CCSER1: variants seen among roughly 807,000 people sequenced by gnomAD.
The protein encoded by CCSER1 is coiled-coil serine rich protein 1, also known as serine-rich coiled-coil domain-containing protein 1.
CCSER1 carries 41 observed loss-of-function variants against 82.0 expected under a neutral mutation model. The observed-to-expected ratio is 0.50, with a 90% CI of 0.39 to 0.65. CCSER1 has a LOEUF of 0.65. Ranked by LOEUF, CCSER1 falls within the 30% of genes least tolerant of loss-of-function variation. CCSER1 has a pLI of 0.00. For missense variants in CCSER1, 1,119 were observed against 1,064.2 expected (o/e 1.05, Z -0.72); for synonymous variants, 414 against 383.9 (o/e 1.08, Z -0.92).
chr4:90,875,052 CA>C (rs1392300909), intron 8 of CCSER1, among the ~76,000 whole-genome samples: 1 of 151,666 alleles, frequency 6.6e-6, no homozygotes, highest in Non-Finnish European at 1.5e-5. Context: ...TCTCAAAAAA[CA>C]AAAACAACAA....
chr4:90,405,734 G>C (rs1485213022), intron 4 of CCSER1, among the ~76,000 whole-genome samples: 1 of 152,130 alleles, frequency 6.6e-6, no homozygotes, highest in Non-Finnish European at 1.5e-5. Context: ...ACAATTATCA[G>C]ACAAGAATTT....
intron 6 of CCSER1, among the ~76,000 whole-genome samples, chr4:90,673,275 A>G (rs1733152795): frequency 6.6e-6 from 1 of 151,976 alleles, no homozygotes; most frequent in African/African-American, 2.4e-5. Flanking sequence ...TATTAGTGCC[A>G]TTATTTATAT....
chr4:90,892,970 G>A (rs1580963043), intron 8 of CCSER1, among the ~76,000 whole-genome samples: 1 of 151,970 alleles, frequency 6.6e-6, no homozygotes, highest in African/African-American at 2.4e-5. Context: ...ATTACAGAGG[G>A]CATTTATTTT....
chr4:91,268,045 G>A (rs544740340), intron 10 of CCSER1, among the ~76,000 whole-genome samples: 2 of 152,102 alleles, frequency 1.3e-5, no homozygotes, highest in African/African-American at 4.8e-5. Context: ...GTAAAGCTAA[G>A]TCTATCTCAG....
chr4:91,482,119 C>T (rs1192810761), intron 10 of CCSER1, among the ~76,000 whole-genome samples: 4 of 151,984 alleles, frequency 2.6e-5, no homozygotes, highest in Non-Finnish European at 5.9e-5. Context: ...AGTCAGGAAA[C>T]GGGCCGGGCG....
Position 91,178,439 on chromosome 4 carries a change from G to C in CCSER1, c.2217+92445G>C, listed in dbSNP as rs186633106. On this transcript the variant is annotated intron_variant, in intron 10 of 10. Coordinates refer to ENST00000509176, the MANE Select transcript of CCSER1 (RefSeq NM_001145065.2). ...AGTCTCCCATTATTATTGTGTGAGA[G>C]TCTAAGTCTCTTTGTAGGTCACTAA... Among the ~76,000 whole-genome samples the C allele has an allele frequency of 1.2e-3, 183 of 152,216 alleles. 1 individual carries two copies. The highest frequency in any genetic ancestry group is 4.1e-3 in the African/African-American group (171 of 41,514).
In CCSER1 at chr4:91,601,705, G is replaced by A. The variant is rs917077769; in HGVS notation, c.*2648G>A. 2.2e-4 allele frequency: 34 copies of A among 152,016 alleles called. No individual in the cohort carries two copies. The highest frequency in any genetic ancestry group is 8.2e-4 in the African/African-American group (34 of 41,436). The allele number at this position is 152,016 out of a possible 1,614,324, so 9.4% of individuals were successfully genotyped here. ...GCTTGTTTTTCTGATGGAAGCAGTG[G>A]TCTTTTCTTTTCTTTCCTCTTTCTT... On this transcript the variant is annotated 3_prime_UTR_variant, in exon 11 of 11. Transcript: ENST00000509176.
chr4:90,377,173 G>T (rs909417803), intron 3 of CCSER1, among the ~76,000 whole-genome samples: 2 of 152,084 alleles, frequency 1.3e-5, no homozygotes, highest in Admixed American at 6.6e-5. Flanking sequence ...ACAAAATCAT[G>T]GTGGACTAAT....
rs182079572 is a variant in CCSER1 at position 91,234,447 on chromosome 4, G to A, written c.2217+148453G>A. ...CAATTAGAGGTTAACTAACAAAACC[G>A]AACAATTTTAACCCCAGAGGAAAGA... On this transcript the variant is annotated intron_variant, in intron 10 of 10. Transcript: ENST00000509176. Among the ~76,000 whole-genome samples, 114 of 152,082 alleles carry A rather than the reference G, an allele frequency of 7.5e-4. 4 individuals carry two copies. Among genetic ancestry groups the A allele is most frequent in the Non-Finnish European group, 3.4e-4 (23 of 67,872 alleles).
chr4:90,276,262 C>G (rs1311582640), intron 1 of CCSER1, among the ~76,000 whole-genome samples: 2 of 109,364 alleles, frequency 1.8e-5, no homozygotes, highest in Admixed American at 9.4e-5. Context: ...TTCCTTCCTT[C>G]CTTCCTTCCT....
At chr4:91,460,099 G>A (rs1756421158) in intron 10 of CCSER1, among the ~76,000 whole-genome samples, 1 of 152,176 alleles carries the variant, frequency 6.6e-6, no homozygotes, top group Non-Finnish European at 1.5e-5. Flanking sequence ...GCATTTGACT[G>A]AGTGGTAAAT....
At chr4:90,139,938 C>T (rs992715770) in intron 1 of CCSER1, among the ~76,000 whole-genome samples, 65 of 151,608 alleles carry the variant, frequency 4.3e-4, no homozygotes, top group Admixed American at 2.7e-3. Context: ...CCAACCTGGG[C>T]GACAGAGTGA....
chr4:91,159,128 C>A (rs1731116367), intron 10 of CCSER1, among the ~76,000 whole-genome samples: 2 of 151,812 alleles, frequency 1.3e-5, no homozygotes, highest in South Asian at 2.1e-4. Flanking sequence ...TACTAACATG[C>A]CCCTCACTAT....
intron 7 of CCSER1, among the ~76,000 whole-genome samples, chr4:90,741,556 A>T (rs1746557117): frequency 6.6e-6 from 1 of 152,244 alleles, no homozygotes; most frequent in African/African-American, 2.4e-5. Context: ...TATTTTTGAT[A>T]TAATATCATT....
chr4:91,142,911 G>C (rs906105889), intron 10 of CCSER1, among the ~76,000 whole-genome samples: 3 of 151,948 alleles, frequency 2.0e-5, no homozygotes, highest in Non-Finnish European at 2.9e-5. Flanking sequence ...TTTGGGTAAT[G>C]TAATCCCTCC....
chr4:90,159,937 T>C (rs888140208), intron 1 of CCSER1, among the ~76,000 whole-genome samples: 1 of 152,334 alleles, frequency 6.6e-6, no homozygotes, highest in African/African-American at 2.4e-5. Flanking sequence ...CCTAATGTTA[T>C]CAAATACTTA....
chr4:91,380,424 G>T (rs1398244175), intron 10 of CCSER1, among the ~76,000 whole-genome samples: 3 of 152,026 alleles, frequency 2.0e-5, no homozygotes, highest in African/African-American at 4.8e-5. Flanking sequence ...TATGAATATG[G>T]GTGCTCCTGT....
intron 1 of CCSER1, among the ~76,000 whole-genome samples, chr4:90,128,140 A>C (rs1258639745): frequency 6.6e-6 from 1 of 152,124 alleles, no homozygotes; most frequent in Non-Finnish European, 1.5e-5. Flanking sequence ...CTCCAGGGCG[A>C]TGCGGAGCGC....
chr4:91,295,095 G>A (rs1744051047), intron 10 of CCSER1, among the ~76,000 whole-genome samples: 2 of 151,874 alleles, frequency 1.3e-5, no homozygotes, highest in Admixed American at 1.3e-4. Context: ...GTGGAATATG[G>A]CAAACCCTTT....
Sources: gnomAD v4.1 joint callset for allele counts (sites outside exome capture counted in the v4.1 genomes callset) on GRCh38, gnomAD v4.1.1 for gene constraint, MANE v1.5 for transcripts, NCBI Gene and HGNC (gene_info 2026-07-23, HGNC 2026-07-21) for gene names.